Variants in EYS observed in about 807,000 individuals in gnomAD.
EYS encodes the protein EGF-like photoreceptor maintenance factor.
Under a neutral mutation model 282.1 loss-of-function variants are expected in EYS, and 250 were observed. The observed-to-expected ratio is 0.89, with a 90% CI of 0.80 to 0.98. EYS has a LOEUF of 0.98. Ranked by LOEUF, EYS falls within the 50% of genes least tolerant of loss-of-function variation. The pLI, the probability that EYS is intolerant of heterozygous loss-of-function variation, is 0.00. For missense variants in EYS, 4,016 were observed against 3,709.0 expected, an observed-to-expected ratio of 1.08 and a Z score of -2.15; for synonymous variants, 1,355 against 1,282.9, an observed-to-expected ratio of 1.06 and a Z score of -1.20.
intron 1 of EYS, among the ~76,000 whole-genome samples, chr6:65,675,700 T>C (rs1051808661): frequency 6.6e-6 from 1 of 151,860 alleles, no homozygotes; most frequent in African/African-American, 2.4e-5. Flanking sequence ...AACCAGATAG[T>C]TGACCAATAA....
intron 12 of EYS, among the ~76,000 whole-genome samples, chr6:65,294,088 G>A (rs1248025905): frequency 1.3e-5 from 2 of 151,564 alleles, no homozygotes; most frequent in Admixed American, 1.3e-4. Context: ...AGGTGGAAAC[G>A]GAGAAATCAG....
intron 32 of EYS, among the ~76,000 whole-genome samples, chr6:64,079,600 T>G (rs1362927350): frequency 6.6e-6 from 1 of 152,148 alleles, no homozygotes; most frequent in African/African-American, 2.4e-5. Flanking sequence ...TACCTTAAGT[T>G]CTAGGGTACA....
At chr6:64,984,537 A>T (rs1770786181) in intron 14 of EYS, among the ~76,000 whole-genome samples, 1 of 151,558 alleles carries the variant, frequency 6.6e-6, no homozygotes, top group South Asian at 2.1e-4. Context: ...TGTAAAAATT[A>T]AAAAAGGAAG....
intron 14 of EYS, among the ~76,000 whole-genome samples, chr6:64,993,737 C>A (rs7752037): frequency 1 from 150,483 of 150,524 alleles, 75,221 homozygotes; most frequent in Middle Eastern, 1. Context: ...TAAAAAAAAA[C>A]CAAAATAATG....
At chr6:65,330,976 C>A (rs955250016) in intron 11 of EYS, 49 of 984,134 alleles carry the variant, frequency 5.0e-5, no homozygotes, top group Non-Finnish European at 5.9e-5. Flanking sequence ...ATATTGAGTT[C>A]CCGTATATAC....
intron 12 of EYS, among the ~76,000 whole-genome samples, chr6:65,090,199 A>G (rs1774515527): frequency 6.6e-6 from 1 of 152,128 alleles, no homozygotes; most frequent in African/African-American, 2.4e-5. Flanking sequence ...ACCAGGTGAA[A>G]GTAATTGGAT....
At chr6:64,387,375 CA>C (rs1387338096) in intron 29 of EYS, among the ~76,000 whole-genome samples, 5 of 151,834 alleles carry the variant, frequency 3.3e-5, no homozygotes, top group African/African-American at 1.2e-4. Context: ...TATTTATATT[CA>C]GGGGTAGCTA....
intron 12 of EYS, among the ~76,000 whole-genome samples, chr6:65,157,140 A>AT (rs1764748098): frequency 6.6e-6 from 1 of 151,098 alleles, no homozygotes; most frequent in East Asian, 2.0e-4. Context: ...TTTTTCTTTA[A>AT]TAGCACCTAT....
intron 31 of EYS, among the ~76,000 whole-genome samples, chr6:64,193,977 T>A (rs1047899035): frequency 6.6e-6 from 1 of 152,180 alleles, no homozygotes; most frequent in African/African-American, 2.4e-5. Context: ...GCATGTGTCT[T>A]TATAGCAGCA....
chr6:64,507,858 A>G (rs928235792), intron 26 of EYS, among the ~76,000 whole-genome samples: 1 of 152,186 alleles, frequency 6.6e-6, no homozygotes, highest in East Asian at 1.9e-4. Context: ...AAAAATGACA[A>G]GCTAATACCA....
At chr6:64,476,526 A>T (rs1278446426) in intron 26 of EYS, among the ~76,000 whole-genome samples, 1 of 152,134 alleles carries the variant, frequency 6.6e-6, no homozygotes, top group East Asian at 1.9e-4. Context: ...TGAAAAAAAT[A>T]TAGAAAATAT....
At chr6:65,008,272 A>G (rs1170160269) in intron 13 of EYS, among the ~76,000 whole-genome samples, 1 of 152,168 alleles carries the variant, frequency 6.6e-6, no homozygotes, top group Non-Finnish European at 1.5e-5. Context: ...TACCTCTCTC[A>G]CCTGATTCTA....
chr6:63,845,878 C>G (rs1230779733), intron 36 of EYS, among the ~76,000 whole-genome samples: 2 of 152,140 alleles, frequency 1.3e-5, no homozygotes, highest in Non-Finnish European at 2.9e-5. Context: ...AATTCCCTAG[C>G]TATCATAATA....
chr6:64,536,014 CTG>C (rs768901183), intron 26 of EYS, among the ~76,000 whole-genome samples: 2 of 151,852 alleles, frequency 1.3e-5, no homozygotes, highest in South Asian at 2.1e-4. Flanking sequence ...TTATTAGACT[CTG>C]ATGAGAATAT....
chr6:64,912,082 T>A (rs1303422430), intron 16 of EYS, among the ~76,000 whole-genome samples: 1 of 152,054 alleles, frequency 6.6e-6, no homozygotes, highest in Non-Finnish European at 1.5e-5. Context: ...TTTTGATAGC[T>A]CCAGAAGAAA....
chr6:65,649,137 CAAAAAAAAAAAA>C lies in EYS; in HGVS notation c.-447-9257_-447-9246del, dbSNP rs369237730. 1.2e-4 allele frequency among the ~76,000 whole-genome samples: 9 copies of C among 72,684 alleles called. 1 individual carries two copies. Among genetic ancestry groups the C allele is most frequent in the South Asian group, 6.0e-4 (1 of 1,666 alleles). The allele number at this position is 72,684 out of a possible 152,430, so 47.7% of individuals were successfully genotyped here. A position where few individuals can be genotyped will look rare whatever the true frequency, so the allele number is the denominator to read the frequency against. On this transcript the variant is annotated intron_variant, in intron 1 of 42. Coordinates refer to ENST00000503581, the MANE Select transcript of EYS (RefSeq NM_001142800.2). ...TGTGCGACAGAGCGAGACTCTGTCTCAAAAAAAAAAAAAAAAAAAAAGGAAAAAAGAAAAACT... is the reference window on the plus strand; with the variant it reads ...TGTGCGACAGAGCGAGACTCTGTCTCAAAAAAAAAGGAAAAAAGAAAAACT...
chr6:63,975,195 A>C (rs1582062837), intron 35 of EYS, among the ~76,000 whole-genome samples: 1 of 152,018 alleles, frequency 6.6e-6, no homozygotes, highest in Non-Finnish European at 1.5e-5. Flanking sequence ...ATGGAAAAAC[A>C]CAATTTGTTC....
At chr6:65,647,133 C>T (rs1232630336) in intron 1 of EYS, among the ~76,000 whole-genome samples, 1 of 152,048 alleles carries the variant, frequency 6.6e-6, no homozygotes, top group African/African-American at 2.4e-5. Flanking sequence ...TAAAATACCA[C>T]CATCATTCTT....
chr6:63,774,726 T>C (rs539022313), intron 40 of EYS, among the ~76,000 whole-genome samples: 1 of 152,234 alleles, frequency 6.6e-6, no homozygotes, highest in South Asian at 2.1e-4. Flanking sequence ...AATTTTTATT[T>C]GTCAATTAAG....
Sources: gnomAD v4.1 joint callset for allele counts (sites outside exome capture counted in the v4.1 genomes callset) on GRCh38, gnomAD v4.1.1 for gene constraint, MANE v1.5 for transcripts, NCBI Gene and HGNC (gene_info 2026-07-23, HGNC 2026-07-21) for gene names.